SEPTIN9: variants seen among roughly 807,000 people sequenced by gnomAD.
SEPTIN9 encodes septin-9.
SEPTIN9 carries 13 observed loss-of-function variants against 56.6 expected under a neutral mutation model. The ratio of observed to expected loss-of-function variants is 0.23; its 90% CI spans 0.15 to 0.37. The LOEUF is 0.37. SEPTIN9 is among the 10% of genes least tolerant of loss of function. The pLI is 1.00. For synonymous variants in SEPTIN9, 332 were observed against 334.1 expected (o/e 0.99, Z 0.07); for missense variants, 650 against 823.1 (o/e 0.79, Z 2.57).
intron 3 of SEPTIN9, among the ~76,000 whole-genome samples, chr17:77,427,807 C>G (rs1369243903): frequency 6.6e-6 from 1 of 152,160 alleles, no homozygotes; most frequent in African/African-American, 2.4e-5. Context: ...ACCAGGCCGG[C>G]AGGGGAGCCG....
chr17:77,341,040 C>G (rs1178154418), intron 2 of SEPTIN9, among the ~76,000 whole-genome samples: 2 of 152,214 alleles, frequency 1.3e-5, no homozygotes, highest in African/African-American at 4.8e-5. Context: ...CTCAAACTTT[C>G]TTCATATCAG....
At chr17:77,376,500 T>G in intron 2 of SEPTIN9, 1 of 718,802 alleles carries the variant, frequency 1.4e-6, no homozygotes, top group Non-Finnish European at 1.7e-6. Flanking sequence ...TGTCACCATG[T>G]GGGTTGCTGA....
At position 77,450,766 on chromosome 17, in the gene SEPTIN9, C is replaced by G. The variant is rs960664530; in HGVS notation, c.722-31378C>G. On this transcript the variant is annotated intron_variant, in intron 3 of 11. Coordinates refer to ENST00000427177, the MANE Select transcript of SEPTIN9 (RefSeq NM_001113491.2). This position sits in a 1 kb window ranked among gnomAD's most constrained non-coding sequence, Gnocchi z 6.0. ...GCTGGATCAGATCTGAATCCAGAGG[C>G]TCTCGGAGGAAGAGCTCAGGGTGAG... The G allele has an allele frequency of 1.1e-5, 11 of 985,910 alleles. No homozygotes were observed. Among genetic ancestry groups the G allele is most frequent in the Non-Finnish European group, 1.3e-5 (11 of 830,486 alleles). The allele number at this position is 985,910 out of a possible 1,614,324, so 61.1% of individuals were successfully genotyped here.
chr17:77,403,438 C>G (rs2035969762), intron 3 of SEPTIN9, among the ~76,000 whole-genome samples: 1 of 152,238 alleles, frequency 6.6e-6, no homozygotes, highest in Admixed American at 6.5e-5. Flanking sequence ...CAGCAGCGTC[C>G]TGGGAGGGCT....
chr17:77,438,158 T>C (rs982254529), intron 3 of SEPTIN9, among the ~76,000 whole-genome samples: 8 of 152,176 alleles, frequency 5.3e-5, no homozygotes, highest in South Asian at 2.1e-4. Flanking sequence ...TCAGTTCTTA[T>C]AGATTTGGCG....
Position 77,433,974 on chromosome 17 carries a change from T to G in SEPTIN9, c.721+31271T>G, listed in dbSNP as rs2037247011. 6.6e-6 allele frequency among the ~76,000 whole-genome samples: 1 copy of G among 152,176 alleles called. No individual in the cohort carries two copies. Among genetic ancestry groups the G allele is most frequent in the South Asian group, 2.1e-4 (1 of 4,832 alleles). ...CGGGGGACTTCCCAGCACAGAGCTT[T>G]CTGGCCTCTGCAGGGACGCTGTGTG... On this transcript the variant is annotated intron_variant, in intron 3 of 11. Coordinates refer to ENST00000427177, the MANE Select transcript of SEPTIN9 (RefSeq NM_001113491.2). The surrounding 1 kb of genome is among the most constrained non-coding windows in gnomAD (Gnocchi z 6.4).
chr17:77,450,796 G>A lies in SEPTIN9; in HGVS notation c.722-31348G>A, dbSNP rs1023484435. ...GGAGGAAGAGCTCAGGGTGAGCTGC[G>A]CCCCCATCCCCTGCCCCTCCTCTCC... On this transcript the variant is annotated intron_variant, in intron 3 of 11. Transcript: ENST00000427177. The surrounding 1 kb of genome is among the most constrained non-coding windows in gnomAD (Gnocchi z 6.0). 1.0e-5 allele frequency: 10 copies of A among 986,094 alleles called. No individual in the cohort carries two copies. The highest frequency in any genetic ancestry group is 1.1e-4 in the East Asian group (1 of 8,840). 61.1% of individuals were successfully genotyped at this position (986,094 alleles called of 1,614,324 possible).
intron 10 of SEPTIN9, 127 bp from the exon 11 acceptor site, chr17:77,497,180 CCCTGCCCT>C: frequency 1.2e-6 from 1 of 854,076 alleles, no homozygotes; most frequent in East Asian, 2.6e-5. Context: ...CAGGTGGTTC[CCCTGCCCT>C]CCTGCCCATG....
At position 77,451,428 on chromosome 17, in the gene SEPTIN9, C is replaced by G. The variant is rs2037964574; in HGVS notation, c.722-30716C>G. The G allele has an allele frequency of 1.0e-6, 1 of 985,536 alleles. No homozygotes were observed. The highest frequency in any genetic ancestry group is 1.2e-6 in the Non-Finnish European group (1 of 830,070). The allele number at this position is 985,536 out of a possible 1,614,324, so 61.0% of individuals were successfully genotyped here. On this transcript the variant is annotated intron_variant, in intron 3 of 11. Coordinates refer to ENST00000427177, the MANE Select transcript of SEPTIN9 (RefSeq NM_001113491.2). This position sits in a 1 kb window ranked among gnomAD's most constrained non-coding sequence, Gnocchi z 4.2. The stretch of plus-strand genomic sequence containing the variant: ...TGGGAGGCTCCTTGTTCCGCGACCA[C>G]AAAGCCCCTTTGATCCTCTGCTCGG...
At position 77,498,720 on chromosome 17, in the gene SEPTIN9, T is replaced by A; in HGVS notation, c.*62T>A. 2.0e-6 allele frequency: 1 copy of A among 495,720 alleles called. No individual in the cohort carries two copies. The highest frequency in any genetic ancestry group is 2.9e-6 in the Non-Finnish European group (1 of 350,434). 30.7% of individuals were successfully genotyped at this position (495,720 alleles called of 1,614,324 possible). A position where few individuals can be genotyped will look rare whatever the true frequency, so the allele number is the denominator to read the frequency against. ...GTCATTTCCGTCCCCCCCCAGGCCC[T>A]CCCACCACCCCATTTTATTTTATAT... On this transcript the variant is annotated 3_prime_UTR_variant, in exon 12 of 12. Coordinates refer to ENST00000427177, the MANE Select transcript of SEPTIN9 (RefSeq NM_001113491.2).
At chr17:77,325,017 C>G (rs922263844) in intron 2 of SEPTIN9, among the ~76,000 whole-genome samples, 1 of 152,078 alleles carries the variant, frequency 6.6e-6, no homozygotes, top group African/African-American at 2.4e-5. Flanking sequence ...CGGGGTTTCA[C>G]TGTGTTGACT....
chr17:77,392,657 A>G (rs1396147785), intron 2 of SEPTIN9, among the ~76,000 whole-genome samples: 1 of 151,226 alleles, frequency 6.6e-6, no homozygotes, highest in Non-Finnish European at 1.5e-5. Context: ...GGGACTGGGA[A>G]AGGGATTGAG....
At chr17:77,380,430 C>T (rs918764784) in intron 2 of SEPTIN9, among the ~76,000 whole-genome samples, 58 of 151,926 alleles carry the variant, frequency 3.8e-4, no homozygotes, top group African/African-American at 1.2e-3. Context: ...GAATATCCCC[C>T]TACAGCCTTT....
At chr17:77,426,043 G>A (rs2036896159) in intron 3 of SEPTIN9, among the ~76,000 whole-genome samples, 1 of 152,110 alleles carries the variant, frequency 6.6e-6, no homozygotes. Context: ...AGCCTCAGGA[G>A]GAGGCCTCCA....
intron 2 of SEPTIN9, among the ~76,000 whole-genome samples, chr17:77,337,715 C>T (rs2033600141): frequency 6.6e-6 from 1 of 151,922 alleles, no homozygotes; most frequent in Non-Finnish European, 1.5e-5. Context: ...TTTTTACTTC[C>T]CCTTGTCTTA....
At chr17:77,348,402 G>T (rs6501950) in intron 2 of SEPTIN9, among the ~76,000 whole-genome samples, 22,964 of 147,432 alleles carry the variant, frequency 0.16, 2,424 homozygotes, top group African/African-American at 0.29. Context: ...GGGTTCAAGT[G>T]ATTCTCCTGC....
intron 3 of SEPTIN9, chr17:77,442,270 T>A (rs2037572898): frequency 6.6e-6 from 1 of 152,170 alleles, no homozygotes; most frequent in African/African-American, 2.4e-5. Flanking sequence ...CGATCTCGGC[T>A]CACTCTAACC....
chr17:77,345,021 A>G (rs1014550740), intron 2 of SEPTIN9, among the ~76,000 whole-genome samples: 1 of 151,578 alleles, frequency 6.6e-6, no homozygotes, highest in Admixed American at 6.6e-5. Context: ...ATGCTATAGC[A>G]TAGATGAGCC....
At chr17:77,482,488 C>T in intron 4 of SEPTIN9, 153 bp downstream of exon 4, 1 of 803,394 alleles carries the variant, frequency 1.2e-6, no homozygotes, top group South Asian at 1.4e-5. Context: ...ATTGCGTGTG[C>T]ATGCATGCGC....
Sources: allele counts gnomAD v4.1 joint callset (sites outside exome capture counted in the v4.1 genomes callset), GRCh38; gene constraint gnomAD v4.1.1; non-coding constraint Gnocchi (gnomAD v3.1); transcripts MANE v1.5; gene names NCBI Gene and HGNC (gene_info 2026-07-23, HGNC 2026-07-21).